The following MGAT4C variants were observed in gnomAD, a reference collection of about 807,000 sequenced individuals.
The protein encoded by MGAT4C is MGAT4 family member C.
A neutral mutation model predicts 40.1 loss-of-function variants in MGAT4C; 19 were observed. The ratio of observed to expected loss-of-function variants is 0.47; its 90% CI spans 0.33 to 0.70. The LOEUF is 0.70. Among genes scored for constraint, MGAT4C ranks in the 30% least tolerant of loss-of-function variants. MGAT4C has a pLI of 0.02. For synonymous variants in MGAT4C, 181 were observed against 187.1 expected, an observed-to-expected ratio of 0.97 and a Z score of 0.27; for missense variants, 491 against 563.2, an observed-to-expected ratio of 0.87 and a Z score of 1.30.
chr12:86,067,522 A>G (rs193158600), intron 1 of MGAT4C, among the ~76,000 whole-genome samples: 1 of 150,048 alleles, frequency 6.7e-6, no homozygotes, highest in Non-Finnish European at 1.5e-5. Context: ...ACACATGGAC[A>G]TAGGGAGGGG....
intron 3 of MGAT4C, among the ~76,000 whole-genome samples, chr12:86,413,563 A>T (rs959640018): frequency 1.3e-5 from 2 of 152,190 alleles, no homozygotes; most frequent in Non-Finnish European, 2.9e-5. Flanking sequence ...CTTCTGAGAG[A>T]TTTTGTTGCT....
chr12:85,996,788 A>C (rs1653018252), intron 2 of MGAT4C, among the ~76,000 whole-genome samples: 2 of 152,206 alleles, frequency 1.3e-5, no homozygotes. Context: ...GGAATAAATA[A>C]AGGAGGAAGA....
At chr12:86,828,304 C>T (rs1440010618) in intron 1 of MGAT4C, among the ~76,000 whole-genome samples, 1 of 150,608 alleles carries the variant, frequency 6.6e-6, no homozygotes, top group East Asian at 2.0e-4. Flanking sequence ...ATATGTTTAT[C>T]ATTTATATTT....
intron 1 of MGAT4C, among the ~76,000 whole-genome samples, chr12:86,105,474 T>C (rs1282231898): frequency 6.6e-6 from 1 of 152,118 alleles, no homozygotes; most frequent in Non-Finnish European, 1.5e-5. Flanking sequence ...TTAATAGCAG[T>C]AAAATTTTTA....
At chr12:86,098,885 T>A (rs2135590984) in intron 1 of MGAT4C, among the ~76,000 whole-genome samples, 1 of 151,618 alleles carries the variant, frequency 6.6e-6, no homozygotes, top group Non-Finnish European at 1.5e-5. Context: ...ATTATTTACC[T>A]TTTTCATAGA....
intron 3 of MGAT4C, among the ~76,000 whole-genome samples, chr12:86,365,482 T>C (rs1279484748): frequency 6.6e-6 from 1 of 152,196 alleles, no homozygotes; most frequent in African/African-American, 2.4e-5. Context: ...GGCTATTGAT[T>C]GGGGAAGTGA....
intron 3 of MGAT4C, among the ~76,000 whole-genome samples, chr12:86,346,804 T>C (rs1955043817): frequency 6.6e-6 from 1 of 152,062 alleles, no homozygotes; most frequent in South Asian, 2.1e-4. Flanking sequence ...GGCAGACCGA[T>C]CCTCAATCTG....
intron 2 of MGAT4C, among the ~76,000 whole-genome samples, chr12:86,540,426 G>A (rs1267665054): frequency 6.6e-5 from 10 of 152,126 alleles, no homozygotes; most frequent in Admixed American, 6.5e-4. Flanking sequence ...TCAACATCTT[G>A]GATGAAACCT....
At chr12:86,144,678 AT>A (rs1883279381) in intron 1 of MGAT4C, among the ~76,000 whole-genome samples, 1 of 152,150 alleles carries the variant, frequency 6.6e-6, no homozygotes. Context: ...ACATATCTTT[AT>A]TGTACGTTAT....
At chr12:86,228,208 A>T (rs1951172519) in intron 1 of MGAT4C, among the ~76,000 whole-genome samples, 1 of 151,780 alleles carries the variant, frequency 6.6e-6, no homozygotes, top group African/African-American at 2.4e-5. Flanking sequence ...TTTTCTGTAG[A>T]CCAAAAAAAG....
chr12:86,326,375 GTA>G (rs2136168280), intron 4 of MGAT4C, among the ~76,000 whole-genome samples: 1 of 151,526 alleles, frequency 6.6e-6, no homozygotes, highest in East Asian at 1.9e-4. Context: ...TAGCTTGATT[GTA>G]TTGTTCATTT....
rs1281443251 is a variant in MGAT4C at position 85,980,307 on chromosome 12, T to C, written c.419A>G (p.His140Arg). 2 of 1,613,976 alleles carry C rather than the reference T, an allele frequency of 1.2e-6. No homozygotes were observed. Among genetic ancestry groups the C allele is most frequent in the Non-Finnish European group, 1.7e-6 (2 of 1,179,912 alleles). The change falls in exon 5 of 5, where the codon CAC becomes CGC. Residue 140 changes from histidine to arginine, a missense_variant. Coordinates refer to ENST00000611864, the MANE Select transcript of MGAT4C (RefSeq NM_001351288.2). ...CCAGGAAGAATTAAAGTCTGCTAGG[T>C]GAACCACCACTGAAATTTCCTTCAG... ...EELKEISVVV[H>R]LADFNSSWRD...
intron 2 of MGAT4C, among the ~76,000 whole-genome samples, chr12:86,512,113 C>T (rs926089823): frequency 1.3e-5 from 2 of 151,884 alleles, no homozygotes; most frequent in African/African-American, 4.8e-5. Context: ...GGAAAAGACT[C>T]CCATAAACAT....
At chr12:86,336,344 T>A (rs901334256) in intron 3 of MGAT4C, among the ~76,000 whole-genome samples, 1 of 152,190 alleles carries the variant, frequency 6.6e-6, no homozygotes, top group African/African-American at 2.4e-5. Context: ...TTGTAATAAA[T>A]GCCAAATACA....
At chr12:86,814,601 T>G (rs1306776078) in intron 1 of MGAT4C, among the ~76,000 whole-genome samples, 1 of 152,002 alleles carries the variant, frequency 6.6e-6, no homozygotes, top group African/African-American at 2.4e-5. Context: ...CTTAGATGTT[T>G]TCTGAAATCG....
At chr12:86,475,930 T>G (rs1957828908) in intron 2 of MGAT4C, among the ~76,000 whole-genome samples, 1 of 152,088 alleles carries the variant, frequency 6.6e-6, no homozygotes, top group Admixed American at 6.6e-5. Context: ...GTGTGTTTTT[T>G]ATTGTGTATA....
At chr12:86,317,935 CAT>C (rs1954285821) in intron 4 of MGAT4C, among the ~76,000 whole-genome samples, 1 of 151,324 alleles carries the variant, frequency 6.6e-6, no homozygotes, top group Non-Finnish European at 1.5e-5. Context: ...TAAGAAATCT[CAT>C]AGTTATCCTT....
intron 1 of MGAT4C, among the ~76,000 whole-genome samples, chr12:86,057,528 A>T (rs542368845): frequency 6.6e-6 from 1 of 152,282 alleles, no homozygotes; most frequent in African/African-American, 2.4e-5. Context: ...TGCTTCAGTG[A>T]CTTTGAACAT....
chr12:86,781,238 CTT>C (rs1413434959), intron 1 of MGAT4C, among the ~76,000 whole-genome samples: 1 of 152,060 alleles, frequency 6.6e-6, no homozygotes, highest in Non-Finnish European at 1.5e-5. Flanking sequence ...TCTTCATACT[CTT>C]TTCCCTAGAG....
Sources: allele counts gnomAD v4.1 joint callset (sites outside exome capture counted in the v4.1 genomes callset), GRCh38; gene constraint gnomAD v4.1.1; transcripts MANE v1.5; gene names NCBI Gene and HGNC (gene_info 2026-07-23, HGNC 2026-07-21).